MYLK: variants seen among roughly 807,000 people sequenced by gnomAD.
MYLK encodes myosin light chain kinase, also known as myosin light chain kinase, smooth muscle.
A neutral mutation model predicts 203.4 loss-of-function variants in MYLK; 106 were observed. The ratio of observed to expected loss-of-function variants is 0.52; its 90% CI spans 0.45 to 0.61. MYLK has a LOEUF of 0.61. MYLK is among the 20% of genes least tolerant of loss of function. MYLK has a pLI of 0.00. For missense variants in MYLK, 2,072 were observed against 2,442.3 expected, an observed-to-expected ratio of 0.85 and a Z score of 3.20; for synonymous variants, 867 against 959.5, an observed-to-expected ratio of 0.90 and a Z score of 1.78.
At chr3:123,735,016 G>A (rs1056917943) in intron 9 of MYLK, 11 of 337,810 alleles carry the variant, frequency 3.3e-5, no homozygotes, top group East Asian at 2.9e-4. Context: ...AGCATCTAGC[G>A]CCGAGCCTCA....
At chr3:123,703,245 C>T (rs1452914492) in intron 16 of MYLK, among the ~76,000 whole-genome samples, 2 of 152,230 alleles carry the variant, frequency 1.3e-5, no homozygotes, top group African/African-American at 4.8e-5. Flanking sequence ...TGGGGCGCTG[C>T]TCACCCTTGG....
intron 20 of MYLK, chr3:123,681,206 G>A (rs2060251343): frequency 6.6e-6 from 1 of 152,116 alleles, no homozygotes; most frequent in African/African-American, 2.4e-5. Context: ...TAAAAGCACT[G>A]TGGACCCTAC....
intron 9 of MYLK, 24 bp from the exon 10 acceptor site, chr3:123,734,246 T>TGTGGGG: frequency 1.4e-6 from 2 of 1,415,794 alleles, no homozygotes; most frequent in Non-Finnish European, 1.9e-6. Context: ...AGGGTGGGGG[T>TGTGGGG]AGGGTGGGTG....
chr3:123,735,504 G>A, intron 8 of MYLK, 88 bp from the exon 9 acceptor site: 2 of 1,478,320 alleles, frequency 1.4e-6, no homozygotes, highest in East Asian at 2.3e-5. Context: ...TCATCACCGT[G>A]GTCCCACCCT....
chr3:123,840,391 T>G (rs985492382), intron 2 of MYLK, among the ~76,000 whole-genome samples: 73 of 149,944 alleles, frequency 4.9e-4, no homozygotes, highest in African/African-American at 1.6e-3. Flanking sequence ...TATATATATA[T>G]ATGAATCCAT....
chr3:123,627,966 T>C (rs1163803120), intron 30 of MYLK, among the ~76,000 whole-genome samples: 1 of 152,194 alleles, frequency 6.6e-6, no homozygotes, highest in Non-Finnish European at 1.5e-5. Context: ...GTTTACCAAA[T>C]CTTCAGTGAA....
At chr3:123,786,207 G>T (rs1169711844) in intron 4 of MYLK, among the ~76,000 whole-genome samples, 5 of 151,888 alleles carry the variant, frequency 3.3e-5, no homozygotes, top group African/African-American at 1.2e-4. Context: ...GGAGGCTGAG[G>T]CAGGAGTGTC....
intron 19 of MYLK, among the ~76,000 whole-genome samples, chr3:123,685,009 G>A (rs2060401642): frequency 6.6e-6 from 1 of 152,182 alleles, no homozygotes; most frequent in Non-Finnish European, 1.5e-5. Context: ...AGTATGAGAG[G>A]CCCAGTTTTC....
chr3:123,859,849 C>T (rs771477322), intron 2 of MYLK, among the ~76,000 whole-genome samples: 5 of 151,818 alleles, frequency 3.3e-5, no homozygotes, highest in South Asian at 4.1e-4. Context: ...TTTCTGGTAA[C>T]GTGTGGGGAT....
chr3:123,814,920 G>A (rs1316685231), intron 3 of MYLK, among the ~76,000 whole-genome samples: 1 of 151,920 alleles, frequency 6.6e-6, no homozygotes. Context: ...AGCCTCCCGA[G>A]TAGCTAGGAC....
intron 24 of MYLK, among the ~76,000 whole-genome samples, chr3:123,650,987 T>G (rs145583073): frequency 0.037 from 5,631 of 152,252 alleles, 117 homozygotes; most frequent in South Asian, 0.073. Context: ...ACTGGGTAGC[T>G]GTTGAGAGCG....
At chr3:123,744,271 T>C (rs957209853) in intron 5 of MYLK, among the ~76,000 whole-genome samples, 1 of 152,194 alleles carries the variant, frequency 6.6e-6, no homozygotes, top group Non-Finnish European at 1.5e-5. Flanking sequence ...TCAATTTACA[T>C]AAGTGCTCAG....
chr3:123,656,055 C>T (rs1040659095), intron 24 of MYLK, among the ~76,000 whole-genome samples: 1 of 152,170 alleles, frequency 6.6e-6, no homozygotes, highest in Non-Finnish European at 1.5e-5. Flanking sequence ...GCTTGAAGTT[C>T]GTGCCCTTTC....
At chr3:123,644,204 G>C (rs2058934753) in intron 27 of MYLK, among the ~76,000 whole-genome samples, 1 of 152,012 alleles carries the variant, frequency 6.6e-6, no homozygotes, top group Non-Finnish European at 1.5e-5. Flanking sequence ...CATCCAACAA[G>C]GTTAGCACAT....
At chr3:123,729,733 T>C (rs184105952) in intron 11 of MYLK, among the ~76,000 whole-genome samples, 2 of 150,396 alleles carry the variant, frequency 1.3e-5, no homozygotes, top group East Asian at 4.0e-4. Context: ...TAAACAAAAT[T>C]AGCTGGGTAT....
intron 13 of MYLK, among the ~76,000 whole-genome samples, chr3:123,718,869 T>C (rs1278407668): frequency 1.3e-5 from 2 of 152,234 alleles, no homozygotes; most frequent in African/African-American, 2.4e-5. Flanking sequence ...TCCTGTCTAC[T>C]GCAGTTTCCC....
At chr3:123,767,797 C>G (rs1007322388) in intron 4 of MYLK, among the ~76,000 whole-genome samples, 5 of 152,166 alleles carry the variant, frequency 3.3e-5, no homozygotes, top group Non-Finnish European at 7.4e-5. Flanking sequence ...ATGAATGATG[C>G]CTGTGGGTGT....
rs902282507 is a variant in MYLK, at chr3:123,610,530, C to T, written c.*3575G>A. On this transcript the variant is annotated 3_prime_UTR_variant, in exon 34 of 34. Transcript: ENST00000360304. ...GCTCTGGTCCCGAGGGTACATACAT[C>T]ACTTCTGGTCACAGCTCACTGACTA... is the stretch of plus-strand genomic sequence containing the variant. The T allele has an allele frequency of 4.6e-5, 7 of 152,304 alleles. No homozygotes were observed. Among genetic ancestry groups the T allele is most frequent in the Admixed American group, 3.9e-4 (6 of 15,292 alleles). 9.4% of individuals were successfully genotyped at this position (152,304 alleles called of 1,614,324 possible).
At chr3:123,718,305 G>A (rs543875329) in intron 13 of MYLK, among the ~76,000 whole-genome samples, 12 of 152,294 alleles carry the variant, frequency 7.9e-5, no homozygotes, top group African/African-American at 2.6e-4. Flanking sequence ...CATCCATTCA[G>A]GGAATGCATG....
Sources: allele counts gnomAD v4.1 joint callset (sites outside exome capture counted in the v4.1 genomes callset), GRCh38; gene constraint gnomAD v4.1.1; transcripts MANE v1.5; gene names NCBI Gene and HGNC (gene_info 2026-07-23, HGNC 2026-07-21).